CNTNAP2: variants seen among roughly 807,000 people sequenced by gnomAD.
CNTNAP2 encodes contactin-associated protein-like 2.
In CNTNAP2, 98 loss-of-function variants were observed where a neutral mutation model predicts 155.2. That is an observed-to-expected ratio of 0.63 (90% CI 0.54 to 0.75). The LOEUF is 0.75. Ranked by LOEUF, CNTNAP2 falls within the 30% of genes least tolerant of loss-of-function variation. The probability of loss-of-function intolerance (pLI) is 0.00; values close to 1 mark genes in which losing one functional copy is unlikely to be tolerated. For synonymous variants in CNTNAP2, 651 were observed against 631.2 expected (o/e 1.03, Z -0.47); for missense variants, 1,727 against 1,688.1 (o/e 1.02, Z -0.40).
At chr7:146,400,863 T>A (rs1795704156) in intron 1 of CNTNAP2, among the ~76,000 whole-genome samples, 1 of 152,232 alleles carries the variant, frequency 6.6e-6, no homozygotes, top group Non-Finnish European at 1.5e-5. Flanking sequence ...AATGACCTGA[T>A]AATTCTTGGA....
At chr7:146,656,483 G>A (rs983045974) in intron 1 of CNTNAP2, among the ~76,000 whole-genome samples, 5 of 152,156 alleles carry the variant, frequency 3.3e-5, no homozygotes, top group Admixed American at 6.6e-5. Context: ...CAAAACTGAG[G>A]CAATTTACTT....
At chr7:146,485,277 GT>G (rs1797038660) in intron 1 of CNTNAP2, among the ~76,000 whole-genome samples, 1 of 152,112 alleles carries the variant, frequency 6.6e-6, no homozygotes, top group African/African-American at 2.4e-5. Flanking sequence ...TATTTATAAG[GT>G]GATGCCACGG....
At position 148,217,289 on chromosome 7, in the gene CNTNAP2, T is replaced by A. The variant is rs1329864777; in HGVS notation, c.3012T>A (p.Asp1004Glu). Residue 1004 changes from aspartate (D) to glutamate (E), a missense_variant and splice_region_variant, in exon 19 of 24, where the codon GAT becomes GAA. By Grantham distance (45) the Asp-to-Glu change is conservative. Transcript: ENST00000361727. ...TAYDGTFCNK[D>E]VGAFFEEGMW... is the part of the protein sequence containing the mutation. ...AATTCTCTCTCTCCTTTATAACAGA[T>A]GTTGGTGCATTTTTTGAAGAAGGGA... 6.2e-7 allele frequency: 1 copy of A among 1,613,884 alleles called. No homozygotes were observed. The highest frequency in any genetic ancestry group is 1.3e-5 in the African/African-American group (1 of 74,894).
chr7:147,173,744 C>T (rs1455922036), intron 8 of CNTNAP2, among the ~76,000 whole-genome samples: 4 of 152,082 alleles, frequency 2.6e-5, no homozygotes, highest in African/African-American at 9.7e-5. Context: ...TCAGAGATGA[C>T]AAAAATGAGG....
chr7:147,137,917 G>GATAGA (rs1563090114), intron 8 of CNTNAP2, among the ~76,000 whole-genome samples: 4 of 51,214 alleles, frequency 7.8e-5, no homozygotes, highest in African/African-American at 1.0e-4. Context: ...AGATAGATAG[G>GATAGA]TAGATAGATA....
chr7:147,459,286 T>C (rs756521821), intron 10 of CNTNAP2, among the ~76,000 whole-genome samples: 2 of 152,292 alleles, frequency 1.3e-5, no homozygotes, highest in Middle Eastern at 3.4e-3. Flanking sequence ...TTATCCTCTC[T>C]CCACATTCTG....
At chr7:148,142,396 A>G (rs1805093160) in intron 16 of CNTNAP2, among the ~76,000 whole-genome samples, 2 of 152,156 alleles carry the variant, frequency 1.3e-5, no homozygotes, top group Non-Finnish European at 2.9e-5. Flanking sequence ...ATTCAGAAAA[A>G]AAATACAGGA....
chr7:146,667,391 T>C (rs115426887), intron 1 of CNTNAP2, among the ~76,000 whole-genome samples: 6,080 of 152,230 alleles, frequency 0.04, 341 homozygotes, highest in African/African-American at 0.12. Context: ...GGCTTTGTAG[T>C]ATATTTTTAA....
chr7:147,881,518 C>A (rs765230304), intron 13 of CNTNAP2, among the ~76,000 whole-genome samples: 6 of 152,138 alleles, frequency 3.9e-5, no homozygotes, highest in African/African-American at 1.4e-4. Context: ...GAGTAGTCGT[C>A]GGTCTAGAAA....
intron 13 of CNTNAP2, among the ~76,000 whole-genome samples, chr7:147,741,501 A>G (rs1307519107): frequency 2.6e-5 from 4 of 152,338 alleles, no homozygotes; most frequent in African/African-American, 9.6e-5. Context: ...TATGTGAAAA[A>G]TGTTAAGTTT....
chr7:146,806,834 C>T (rs1244232585), intron 2 of CNTNAP2, among the ~76,000 whole-genome samples: 2 of 152,144 alleles, frequency 1.3e-5, no homozygotes, highest in Admixed American at 6.6e-5. Context: ...GGCCCAACTC[C>T]ACCACATGAT....
At chr7:147,239,544 C>T (rs536358120) in intron 8 of CNTNAP2, among the ~76,000 whole-genome samples, 15 of 150,264 alleles carry the variant, frequency 1.0e-4, no homozygotes, top group South Asian at 2.1e-4. Flanking sequence ...TTTATTGGTA[C>T]GCATTCATGA....
At chr7:146,513,353 T>C (rs1323359852) in intron 1 of CNTNAP2, among the ~76,000 whole-genome samples, 1 of 151,986 alleles carries the variant, frequency 6.6e-6, no homozygotes, top group Non-Finnish European at 1.5e-5. Context: ...TGTTTTCTGA[T>C]GTTTTGTAAC....
chr7:147,708,089 C>A (rs1796344982), intron 13 of CNTNAP2, among the ~76,000 whole-genome samples: 1 of 152,020 alleles, frequency 6.6e-6, no homozygotes, highest in Admixed American at 6.5e-5. Context: ...CCACATGTCC[C>A]CAAAGAAATG....
chr7:147,891,754 C>G (rs1398188093), intron 13 of CNTNAP2, among the ~76,000 whole-genome samples: 4 of 152,098 alleles, frequency 2.6e-5, no homozygotes, highest in African/African-American at 9.6e-5. Flanking sequence ...ATGAAAGATA[C>G]TAAATTATAT....
At chr7:147,462,601 A>T (rs1386167383) in intron 10 of CNTNAP2, among the ~76,000 whole-genome samples, 1 of 152,270 alleles carries the variant, frequency 6.6e-6, no homozygotes, top group Non-Finnish European at 1.5e-5. Flanking sequence ...TGACGTTGGG[A>T]CATAAACAGA....
At chr7:148,036,981 A>C (rs750923094) in intron 15 of CNTNAP2, among the ~76,000 whole-genome samples, 86 of 152,322 alleles carry the variant, frequency 5.6e-4, no homozygotes, top group Non-Finnish European at 9.3e-4. Context: ...AGTGGTAATA[A>C]TTCTAATTAC....
At chr7:147,415,749 A>G (rs1419285188) in intron 10 of CNTNAP2, among the ~76,000 whole-genome samples, 4 of 152,186 alleles carry the variant, frequency 2.6e-5, no homozygotes, top group Non-Finnish European at 4.4e-5. Flanking sequence ...GTGAAAATTC[A>G]TAACAAGGGA....
chr7:146,393,804 T>A (rs531865440), intron 1 of CNTNAP2, among the ~76,000 whole-genome samples: 2 of 152,130 alleles, frequency 1.3e-5, no homozygotes, highest in Admixed American at 6.6e-5. Flanking sequence ...GGTGAATACA[T>A]AAAAATTTAT....
Sources: allele counts gnomAD v4.1 joint callset (sites outside exome capture counted in the v4.1 genomes callset), GRCh38; gene constraint gnomAD v4.1.1; transcripts MANE v1.5; gene names NCBI Gene and HGNC (gene_info 2026-07-23, HGNC 2026-07-21).